Variants in ASPH observed in about 807,000 individuals in gnomAD.
ASPH encodes aspartyl/asparaginyl beta-hydroxylase.
A neutral mutation model predicts 118.4 loss-of-function variants in ASPH; 100 were observed. That is an observed-to-expected ratio of 0.84 (90% CI 0.72 to 1.00). The LOEUF (loss-of-function observed/expected upper bound fraction) is 1.00, where lower values mean the gene tolerates loss of function less well. ASPH is among the 50% of genes least tolerant of loss of function. The probability of loss-of-function intolerance (pLI) is 0.00; values close to 1 mark genes in which losing one functional copy is unlikely to be tolerated. For missense variants in ASPH, 920 were observed against 919.5 expected (o/e 1.00, Z -0.01); for synonymous variants, 315 against 325.6 (o/e 0.97, Z 0.35).
intron 22 of ASPH, among the ~76,000 whole-genome samples, chr8:61,521,730 A>G (rs1323058792): frequency 6.6e-6 from 1 of 152,232 alleles, no homozygotes; most frequent in Non-Finnish European, 1.5e-5. Context: ...CTTCTTTGGG[A>G]AAATAGCTCT....
intron 14 of ASPH, among the ~76,000 whole-genome samples, chr8:61,590,443 C>T (rs1840758886): frequency 1.3e-5 from 2 of 152,006 alleles, no homozygotes; most frequent in South Asian, 2.1e-4. Context: ...CTCTAGATGG[C>T]CAGGGAAGCC....
chr8:61,681,359 A>C (rs1409780754), intron 2 of ASPH, among the ~76,000 whole-genome samples: 5 of 151,818 alleles, frequency 3.3e-5, no homozygotes, highest in Admixed American at 6.6e-5. Context: ...ATTCTTGGTA[A>C]AGTTTTTAGC....
At chr8:61,681,446 A>G (rs1250563255) in intron 2 of ASPH, among the ~76,000 whole-genome samples, 1 of 151,782 alleles carries the variant, frequency 6.6e-6, no homozygotes, top group Non-Finnish European at 1.5e-5. Context: ...TCATCACACT[A>G]TCAATATCTG....
intron 1 of ASPH, among the ~76,000 whole-genome samples, chr8:61,698,904 C>A (rs78386573): frequency 2.6e-5 from 4 of 152,196 alleles, no homozygotes; most frequent in Non-Finnish European, 5.9e-5. Flanking sequence ...ATGGCTGCAA[C>A]TAAAAATTGC....
chr8:61,703,027 CA>C (rs1835660977), intron 1 of ASPH, among the ~76,000 whole-genome samples: 1 of 152,014 alleles, frequency 6.6e-6, no homozygotes, highest in Admixed American at 6.5e-5. Flanking sequence ...AAATTGCTGA[CA>C]AAATATTAGC....
chr8:61,554,557 T>A (rs918826754), intron 19 of ASPH, among the ~76,000 whole-genome samples: 1 of 152,170 alleles, frequency 6.6e-6, no homozygotes, highest in Non-Finnish European at 1.5e-5. Flanking sequence ...TAAATTAAAA[T>A]AAAATGAAAA....
chr8:61,702,515 T>C (rs1835507747), intron 1 of ASPH, among the ~76,000 whole-genome samples: 1 of 152,122 alleles, frequency 6.6e-6, no homozygotes, highest in Admixed American at 6.5e-5. Context: ...CTGGATCTCC[T>C]GACCTTGTGA....
At chr8:61,503,670 TA>T (rs768380951) in intron 24 of ASPH, among the ~76,000 whole-genome samples, 161 bp from the exon 25 acceptor site, 2 of 152,228 alleles carry the variant, frequency 1.3e-5, no homozygotes, top group African/African-American at 2.4e-5. Context: ...CCTTGATGAT[TA>T]GGAAAGAATT....
intron 18 of ASPH, among the ~76,000 whole-genome samples, chr8:61,561,607 G>A (rs115741919): frequency 0.016 from 2,416 of 152,286 alleles, 68 homozygotes; most frequent in African/African-American, 0.054. Flanking sequence ...TGAAACTGCT[G>A]TTCTTGATGG....
chr8:61,704,194 CAAAAAAAAAAAAAAAAAAAAAAAA>C lies in ASPH; in HGVS notation c.103+10051_103+10074del, dbSNP rs61553495. 0.016 allele frequency among the ~76,000 whole-genome samples: 662 copies of C among 40,470 alleles called. 20 individuals carry two copies. In the East Asian group the frequency reaches 0.2, roughly 12 times the overall value. The allele number at this position is 40,470 out of a possible 152,430, so 26.5% of individuals were successfully genotyped here. A position where few individuals can be genotyped will look rare whatever the true frequency, so the allele number is the denominator to read the frequency against. On this transcript the variant is annotated intron_variant, in intron 1 of 24. Transcript: ENST00000379454. ...TGGGCGACAGAGCGAGACTCCGTCT[CAAAAAAAAAAAAAAAAAAAAAAAA>C]AAAAAAAAAAAAAAACAGAGGGGCT...
chr8:61,663,213 T>A (rs1196667817), intron 3 of ASPH: 1 of 985,240 alleles, frequency 1.0e-6, no homozygotes, highest in Non-Finnish European at 1.2e-6. Flanking sequence ...CACTTTCTTG[T>A]CCCAGAAGCC....
chr8:61,539,699 G>GGTGGGTGTGTGTGTGTGTGT (rs1554618409), intron 21 of ASPH, among the ~76,000 whole-genome samples: 3 of 124,214 alleles, frequency 2.4e-5, no homozygotes. Context: ...ACACTTCTGG[G>GGTGGGTGTGTGTGTGTGTGT]GTGTGTGTGT....
chr8:61,570,011 G>C (rs1341416790), intron 16 of ASPH, among the ~76,000 whole-genome samples: 1 of 152,158 alleles, frequency 6.6e-6, no homozygotes, highest in Non-Finnish European at 1.5e-5. Flanking sequence ...TTCTAGACCT[G>C]AGAGTCCTTT....
At chr8:61,556,936 C>CG (rs1563807030) in intron 18 of ASPH, among the ~76,000 whole-genome samples, 1 of 152,194 alleles carries the variant, frequency 6.6e-6, no homozygotes, top group Non-Finnish European at 1.5e-5. Context: ...ACCAGGCCCT[C>CG]GGGGGGCCCA....
At chr8:61,551,709 A>T (rs770215899) in intron 20 of ASPH, among the ~76,000 whole-genome samples, 24 of 152,314 alleles carry the variant, frequency 1.6e-4, no homozygotes, top group Non-Finnish European at 3.1e-4. Flanking sequence ...ATTAGTGATG[A>T]TTACATTTAC....
Position 61,646,825 on chromosome 8 carries a change from CTTG to C in ASPH, c.541_543del (p.Gln181del). 5 of 1,614,026 alleles carry C rather than the reference CTTG, an allele frequency of 3.1e-6. No homozygotes were observed. The highest frequency in any genetic ancestry group is 4.2e-6 in the Non-Finnish European group (5 of 1,179,928). On this transcript the variant is annotated inframe_deletion, in exon 6 of 25. Transcript: ENST00000379454. ...GTCGCCATAAGAAACTCATCATCCT[CTTG>C]TTGTGGTTCTCCTGTGGGTCCATCT...
chr8:61,535,494 G>C (rs1239078274), intron 21 of ASPH, among the ~76,000 whole-genome samples: 1 of 152,196 alleles, frequency 6.6e-6, no homozygotes, highest in Non-Finnish European at 1.5e-5. Context: ...ACTGGAAATT[G>C]AGAAAAGTCC....
rs961540790 is a variant in ASPH, at chr8:61,714,563, G to A, written c.-192C>T. 12 of 852,548 alleles carry A rather than the reference G, an allele frequency of 1.4e-5. No homozygotes were observed. In the East Asian group the frequency reaches 3.8e-4, roughly 27 times the overall value. The allele number at this position is 852,548 out of a possible 1,614,324, so 52.8% of individuals were successfully genotyped here. A position where few individuals can be genotyped will look rare whatever the true frequency, so the allele number is the denominator to read the frequency against. ...CTTCACCCGCCTGCCGGCTGCGCGC[G>A]CCCGGCCTCGCGTGTACGAACCTGT... On this transcript the variant is annotated 5_prime_UTR_variant, in exon 1 of 25. Transcript: ENST00000379454.
intron 13 of ASPH, among the ~76,000 whole-genome samples, chr8:61,626,738 A>ATAAAC (rs397715585): frequency 6.7e-6 from 1 of 149,588 alleles, no homozygotes; most frequent in Admixed American, 6.7e-5. Context: ...AAAAATTAAA[A>ATAAAC]ATTAAAATAT....
Sources: allele counts gnomAD v4.1 joint callset (sites outside exome capture counted in the v4.1 genomes callset), GRCh38; gene constraint gnomAD v4.1.1; transcripts MANE v1.5; gene names NCBI Gene and HGNC (gene_info 2026-07-23, HGNC 2026-07-21).